Variants in NRF1 observed in about 807,000 individuals in gnomAD.
NRF1 encodes nuclear respiratory factor 1.
Under a neutral mutation model 58.5 loss-of-function variants are expected in NRF1, and 5 were observed. The ratio of observed to expected loss-of-function variants is 0.09; its 90% CI spans 0.04 to 0.18. NRF1 has a LOEUF of 0.18. NRF1 is among the 10% of genes least tolerant of loss of function. The probability of loss-of-function intolerance (pLI) is 1.00; values close to 1 mark genes in which losing one functional copy is unlikely to be tolerated. For synonymous variants in NRF1, 224 were observed against 246.7 expected (o/e 0.91, Z 0.86); for missense variants, 288 against 657.7 (o/e 0.44, Z 6.15).
intron 5 of NRF1, among the ~76,000 whole-genome samples, chr7:129,705,481 G>A (rs1802927079): frequency 6.6e-6 from 1 of 152,172 alleles, no homozygotes; most frequent in South Asian, 2.1e-4. Context: ...AGTAAAGACG[G>A]TGTTTCACCA....
chr7:129,734,534 G>A (rs1211439860), intron 10 of NRF1, among the ~76,000 whole-genome samples: 2 of 152,212 alleles, frequency 1.3e-5, no homozygotes, highest in Non-Finnish European at 2.9e-5. Flanking sequence ...CTGCCCAGCT[G>A]TTCCGAGGGC....
intron 5 of NRF1, among the ~76,000 whole-genome samples, chr7:129,706,183 G>C (rs1445988065): frequency 6.6e-6 from 1 of 152,214 alleles, no homozygotes; most frequent in Non-Finnish European, 1.5e-5. Flanking sequence ...ACTGACTGTA[G>C]TGTGAGGCCA....
intron 10 of NRF1, among the ~76,000 whole-genome samples, chr7:129,738,691 T>A (rs1803778983): frequency 1.3e-5 from 2 of 152,226 alleles, no homozygotes; most frequent in Admixed American, 6.5e-5. Flanking sequence ...CACCATCATC[T>A]TCTTGCAAAT....
chr7:129,693,168 C>T (rs1413106255), intron 5 of NRF1, among the ~76,000 whole-genome samples: 1 of 152,132 alleles, frequency 6.6e-6, no homozygotes, highest in African/African-American at 2.4e-5. Flanking sequence ...AGAGTTAGAG[C>T]AAAAATGAGT....
chr7:129,662,769 A>T (rs1801815828), intron 2 of NRF1, among the ~76,000 whole-genome samples: 1 of 151,726 alleles, frequency 6.6e-6, no homozygotes, highest in South Asian at 2.1e-4. Flanking sequence ...TATTTATTTT[A>T]GTATTTATTG....
chr7:129,723,183 C>G (rs570535541), intron 9 of NRF1, among the ~76,000 whole-genome samples: 5 of 152,148 alleles, frequency 3.3e-5, no homozygotes, highest in Non-Finnish European at 7.4e-5. Context: ...GTGGCTCATG[C>G]CTGTAATCCC....
At chr7:129,683,318 TGTGAGAGAGA>T (rs1313907266) in intron 4 of NRF1, among the ~76,000 whole-genome samples, 1 of 140,548 alleles carries the variant, frequency 7.1e-6, no homozygotes, top group Non-Finnish European at 1.5e-5. Flanking sequence ...TGTGTGTGTG[TGTGAGAGAGA>T]GAGAGAGAGA....
At chr7:129,625,718 G>T (rs1383187009) in intron 1 of NRF1, among the ~76,000 whole-genome samples, 3 of 115,792 alleles carry the variant, frequency 2.6e-5, no homozygotes, top group Non-Finnish European at 4.8e-5. Context: ...GTCTCGCTCT[G>T]TTGCCCAGGC....
chr7:129,650,457 A>G (rs1035191712), intron 1 of NRF1, among the ~76,000 whole-genome samples: 1 of 152,156 alleles, frequency 6.6e-6, no homozygotes, highest in Non-Finnish European at 1.5e-5. Flanking sequence ...GAGTTAATAT[A>G]GGGCTTTTTA....
chr7:129,639,811 G>C (rs1270766787), intron 1 of NRF1, among the ~76,000 whole-genome samples: 1 of 151,850 alleles, frequency 6.6e-6, no homozygotes, highest in Non-Finnish European at 1.5e-5. Flanking sequence ...GCCTCCCAAA[G>C]TGCTGGGATT....
chr7:129,667,314 T>C (rs1801945493), intron 2 of NRF1, among the ~76,000 whole-genome samples: 1 of 152,192 alleles, frequency 6.6e-6, no homozygotes, highest in Non-Finnish European at 1.5e-5. Flanking sequence ...TTGGTTTAAT[T>C]TGTGTTTTTG....
intron 10 of NRF1, among the ~76,000 whole-genome samples, chr7:129,739,205 T>C (rs1803791535): frequency 6.6e-6 from 1 of 152,300 alleles, no homozygotes; most frequent in Non-Finnish European, 1.5e-5. Flanking sequence ...TGAAATAAAA[T>C]GTAAAAGGTA....
At chr7:129,679,008 A>G (rs1355983966) in intron 4 of NRF1, among the ~76,000 whole-genome samples, 1 of 152,224 alleles carries the variant, frequency 6.6e-6, no homozygotes, top group African/African-American at 2.4e-5. Flanking sequence ...AGTACCAGTA[A>G]AATTAGAAGC....
chr7:129,738,390 G>C (rs1803771379), intron 10 of NRF1, among the ~76,000 whole-genome samples: 1 of 152,174 alleles, frequency 6.6e-6, no homozygotes. Context: ...CAGCACCTTG[G>C]GACAGCAGTG....
At chr7:129,643,916 C>G (rs1318442584) in intron 1 of NRF1, among the ~76,000 whole-genome samples, 1 of 152,174 alleles carries the variant, frequency 6.6e-6, no homozygotes, top group African/African-American at 2.4e-5. Flanking sequence ...CCCCAGACTC[C>G]CCCTGAATCT....
At chr7:129,699,803 C>A (rs575428544) in intron 5 of NRF1, among the ~76,000 whole-genome samples, 1 of 151,658 alleles carries the variant, frequency 6.6e-6, no homozygotes, top group African/African-American at 2.4e-5. Context: ...CAGGAGTTAT[C>A]GTTTTAATGG....
chr7:129,712,702 G>T (rs1324479331), intron 8 of NRF1, among the ~76,000 whole-genome samples: 2 of 152,220 alleles, frequency 1.3e-5, no homozygotes, highest in African/African-American at 4.8e-5. Flanking sequence ...ATGCTGCAAA[G>T]CGTATGTGCC....
chr7:129,653,158 A>G (rs559063948), intron 1 of NRF1, among the ~76,000 whole-genome samples: 2 of 152,324 alleles, frequency 1.3e-5, no homozygotes, highest in South Asian at 4.1e-4. Flanking sequence ...GCCTCACATA[A>G]GTAGAATCAT....
At chr7:129,661,770 A>G (rs1484467193) in intron 2 of NRF1, among the ~76,000 whole-genome samples, 1 of 150,400 alleles carries the variant, frequency 6.6e-6, no homozygotes, top group Non-Finnish European at 1.5e-5. Flanking sequence ...AACTGTTCCA[A>G]CCCCAGCCTA....
Sources: gnomAD v4.1 joint callset for allele counts (sites outside exome capture counted in the v4.1 genomes callset) on GRCh38, gnomAD v4.1.1 for gene constraint, MANE v1.5 for transcripts, NCBI Gene and HGNC (gene_info 2026-07-23, HGNC 2026-07-21) for gene names.